The following DAB2IP variants were observed in gnomAD, a reference collection of about 807,000 sequenced individuals.
DAB2IP encodes DAB2 interacting protein.
In DAB2IP, 28 loss-of-function variants were observed where a neutral mutation model predicts 107.2. That is an observed-to-expected ratio of 0.26 (90% CI 0.19 to 0.36). DAB2IP has a LOEUF of 0.36. Ranked by LOEUF, DAB2IP falls within the 10% of genes least tolerant of loss-of-function variation. The probability of loss-of-function intolerance (pLI) is 1.00; values close to 1 mark genes in which losing one functional copy is unlikely to be tolerated. For missense variants in DAB2IP, 1,400 were observed against 1,644.7 expected (o/e 0.85, Z 2.57); for synonymous variants, 755 against 706.4 (o/e 1.07, Z -1.09).
At chr9:121,784,567 CA>C (rs758453778) in exon 16 of DAB2IP, 3 of 154,846 alleles carry the variant, frequency 1.9e-5, no homozygotes, top group Non-Finnish European at 4.4e-5. Context: ...AGACTCTTCA[CA>C]GATTTTTATC....
In DAB2IP at chr9:121,719,331, A is replaced by G. The variant is rs182253780; in HGVS notation, c.362+19873A>G. On this transcript the variant is annotated intron_variant, in intron 3 of 15. Transcript: ENST00000408936. ...GGGGAAGGAGTCGGGCCATCTCTCA[A>G]GGAATCCGGGAGGACTTCACAGAAG... Among the ~76,000 whole-genome samples, 369 of 152,306 alleles carry G rather than the reference A, an allele frequency of 2.4e-3. 2 individuals are homozygous for G. The highest frequency in any genetic ancestry group is 3.5e-3 in the Non-Finnish European group (239 of 68,026).
At chr9:121,709,030 C>G (rs988748862) in intron 3 of DAB2IP, among the ~76,000 whole-genome samples, 2 of 152,198 alleles carry the variant, frequency 1.3e-5, no homozygotes, top group East Asian at 1.9e-4. Flanking sequence ...AAACCCCGTC[C>G]CCCACACCGC....
At chr9:121,763,004 G>A (rs1834002417) in intron 6 of DAB2IP, among the ~76,000 whole-genome samples, 1 of 152,156 alleles carries the variant, frequency 6.6e-6, no homozygotes, top group Non-Finnish European at 1.5e-5. Context: ...GACCTCCCCG[G>A]GCAGTGGGGC....
intron 1 of DAB2IP, among the ~76,000 whole-genome samples, chr9:121,596,496 C>T (rs1020607902): frequency 6.6e-6 from 1 of 152,190 alleles, no homozygotes; most frequent in African/African-American, 2.4e-5. Flanking sequence ...TCCTGGGTGA[C>T]AGAGCAAGCC....
At chr9:121,659,894 A>G (rs1589467794) in intron 1 of DAB2IP, among the ~76,000 whole-genome samples, 1 of 152,282 alleles carries the variant, frequency 6.6e-6, no homozygotes, top group South Asian at 2.1e-4. Context: ...AGAGGCTGCC[A>G]CAGGTCTCAC....
chr9:121,758,429 C>G (rs987008374), intron 4 of DAB2IP, among the ~76,000 whole-genome samples: 1 of 152,148 alleles, frequency 6.6e-6, no homozygotes, highest in African/African-American at 2.4e-5. Flanking sequence ...GGAAGAGAAC[C>G]CTCAGAGTTG....
Position 121,689,899 on chromosome 9 carries a change from G to A in DAB2IP, c.229-9426G>A, listed in dbSNP as rs553451360. 3.9e-5 allele frequency among the ~76,000 whole-genome samples: 6 copies of A among 152,372 alleles called. No homozygotes were observed. In the South Asian group the frequency reaches 6.2e-4, roughly 16 times the overall value. ...AGAGCAGCTTAGGTGCTGGCTCAAC[G>A]CCTCAGTCTGGTAATGGAATTACAT... On this transcript the variant is annotated intron_variant, in intron 2 of 15. Coordinates refer to ENST00000408936, the Ensembl canonical transcript of DAB2IP.
chr9:121,779,042 C>T (rs941564813), intron 14 of DAB2IP, among the ~76,000 whole-genome samples: 5 of 152,080 alleles, frequency 3.3e-5, no homozygotes, highest in African/African-American at 7.2e-5. Context: ...CATTTTGTCC[C>T]GTATCTCACT....
chr9:121,665,996 A>G (rs1833404175), intron 1 of DAB2IP, among the ~76,000 whole-genome samples: 1 of 152,222 alleles, frequency 6.6e-6, no homozygotes, highest in African/African-American at 2.4e-5. Context: ...AAAGCAACAG[A>G]AAGTTATTGT....
At chr9:121,587,422 A>G (rs112429544) in intron 1 of DAB2IP, among the ~76,000 whole-genome samples, 2,945 of 152,280 alleles carry the variant, frequency 0.019, 57 homozygotes, top group South Asian at 0.095. Context: ...AGCCTGACCA[A>G]CATGATGAAA....
intron 1 of DAB2IP, among the ~76,000 whole-genome samples, chr9:121,643,140 GCCCTA>G (rs1464810696): frequency 6.6e-6 from 1 of 152,006 alleles, no homozygotes; most frequent in Non-Finnish European, 1.5e-5. Context: ...AGATTCCTTG[GCCCTA>G]CCCATCAAAA....
At chr9:121,770,763 G>A (rs1252885525) in intron 11 of DAB2IP, 39 bp downstream of exon 11, 4 of 1,605,402 alleles carry the variant, frequency 2.5e-6, no homozygotes, top group Non-Finnish European at 3.4e-6. Context: ...GTGGGTGCGT[G>A]TGCAGACTAG....
At chr9:121,675,691 C>A (rs1373480649) in intron 1 of DAB2IP, among the ~76,000 whole-genome samples, 1 of 152,168 alleles carries the variant, frequency 6.6e-6, no homozygotes, top group African/African-American at 2.4e-5. Context: ...TGCTCAGTAG[C>A]CCTGTGACCT....
intron 1 of DAB2IP, among the ~76,000 whole-genome samples, chr9:121,614,618 C>T (rs536267514): frequency 2.8e-4 from 43 of 151,602 alleles, no homozygotes; most frequent in Non-Finnish European, 4.6e-4. Flanking sequence ...GGATTACAGG[C>T]GTGAGCCACT....
chr9:121,752,766 G>A (rs1181481114), intron 3 of DAB2IP: 1 of 152,244 alleles, frequency 6.6e-6, no homozygotes, highest in Non-Finnish European at 1.5e-5. Context: ...CTCAAGAGGG[G>A]ATCCCTTCAC....
intron 3 of DAB2IP, among the ~76,000 whole-genome samples, chr9:121,720,720 G>A (rs1053803667): frequency 3.9e-5 from 6 of 152,124 alleles, no homozygotes; most frequent in Non-Finnish European, 7.4e-5. Context: ...CAGAGAATCC[G>A]TATCCCAGGA....
At chr9:121,774,546 G>A in intron 13 of DAB2IP, 134 bp downstream of exon 13, 3 of 1,061,004 alleles carry the variant, frequency 2.8e-6, no homozygotes, top group Non-Finnish European at 3.9e-6. Context: ...CTGAGCCCCT[G>A]TTCCCTGTGA....
chr9:121,622,150 G>A (rs1292217383), intron 1 of DAB2IP, among the ~76,000 whole-genome samples: 10 of 151,400 alleles, frequency 6.6e-5, no homozygotes, highest in Non-Finnish European at 1.0e-4. Flanking sequence ...CACCACGCTC[G>A]GCTAATTTTT....
intron 1 of DAB2IP, among the ~76,000 whole-genome samples, chr9:121,579,934 G>T (rs1359500526): frequency 6.6e-6 from 1 of 152,152 alleles, no homozygotes; most frequent in South Asian, 2.1e-4. Context: ...CTGGGTCGGG[G>T]GAAGGAAACC....
Sources: allele counts gnomAD v4.1 joint callset (sites outside exome capture counted in the v4.1 genomes callset), GRCh38; gene constraint gnomAD v4.1.1; transcripts MANE v1.5; gene names NCBI Gene and HGNC (gene_info 2026-07-23, HGNC 2026-07-21).